The following MED27 variants were observed in gnomAD, a reference collection of about 807,000 sequenced individuals.
MED27 encodes mediator complex subunit 27, also known as mediator of RNA polymerase II transcription subunit 27.
A neutral mutation model predicts 38.2 loss-of-function variants in MED27; 30 were observed. The observed-to-expected ratio is 0.79, with a 90% CI of 0.59 to 1.07. The LOEUF is 1.07. Ranked by LOEUF, MED27 falls within the 50% of genes least tolerant of loss-of-function variation. The pLI is 0.00. For missense variants in MED27, 289 were observed against 397.5 expected, an observed-to-expected ratio of 0.73 and a Z score of 2.32; for synonymous variants, 122 against 153.5, an observed-to-expected ratio of 0.79 and a Z score of 1.52.
At chr9:131,924,989 A>C (rs768773061) in intron 4 of MED27, among the ~76,000 whole-genome samples, 2 of 152,062 alleles carry the variant, frequency 1.3e-5, no homozygotes, top group Non-Finnish European at 2.9e-5. Flanking sequence ...TTATTTATTT[A>C]GGTCTACATT....
chr9:132,020,015 G>A (rs1832685673), intron 2 of MED27, among the ~76,000 whole-genome samples: 1 of 152,184 alleles, frequency 6.6e-6, no homozygotes, highest in African/African-American at 2.4e-5. Flanking sequence ...TTGTCTTCAA[G>A]TTTTAATATT....
chr9:132,017,593 G>A (rs1001832642), intron 2 of MED27, among the ~76,000 whole-genome samples: 20 of 152,268 alleles, frequency 1.3e-4, no homozygotes, highest in African/African-American at 4.6e-4. Context: ...TTACAAGTGC[G>A]GGGAATGGGA....
At chr9:131,942,791 G>A (rs570324770) in intron 3 of MED27, among the ~76,000 whole-genome samples, 19 of 152,306 alleles carry the variant, frequency 1.2e-4, no homozygotes, top group African/African-American at 4.3e-4. Flanking sequence ...AGCTCAGTGT[G>A]TAGATTTCTA....
At chr9:132,020,239 TATA>T (rs1345044784) in intron 2 of MED27, among the ~76,000 whole-genome samples, 8 of 152,146 alleles carry the variant, frequency 5.3e-5, no homozygotes, top group African/African-American at 1.9e-4. Flanking sequence ...GTATGTTATA[TATA>T]ATGATAGCAA....
At chr9:131,988,650 G>A (rs573844139) in intron 3 of MED27, among the ~76,000 whole-genome samples, 10 of 151,378 alleles carry the variant, frequency 6.6e-5, no homozygotes, top group Middle Eastern at 6.8e-3. Context: ...TTTTTTTTGC[G>A]GGGGGATTGG....
intron 6 of MED27, chr9:131,869,050 T>A (rs899979929): frequency 1.0e-5 from 10 of 985,368 alleles, no homozygotes; most frequent in African/African-American, 1.7e-5. Flanking sequence ...AAGTCCAGTA[T>A]AAAGCATATA....
intron 4 of MED27, among the ~76,000 whole-genome samples, chr9:131,918,733 C>G (rs1830336696): frequency 6.6e-6 from 1 of 152,106 alleles, no homozygotes. Flanking sequence ...ATCTCTCCCA[C>G]TGTGCTTTAA....
chr9:131,904,297 C>T (rs543783823), intron 4 of MED27, among the ~76,000 whole-genome samples: 34 of 152,294 alleles, frequency 2.2e-4, no homozygotes, highest in South Asian at 2.1e-4. Flanking sequence ...CCTCAGCCTT[C>T]CAAAGTGCTG....
intron 1 of MED27, among the ~76,000 whole-genome samples, chr9:132,079,390 G>A (rs1050777534): frequency 6.6e-6 from 1 of 152,210 alleles, no homozygotes; most frequent in East Asian, 1.9e-4. Flanking sequence ...TGTTAGGAAT[G>A]GAACCGCCAC....
At chr9:132,056,648 A>T (rs1329895809) in intron 2 of MED27, among the ~76,000 whole-genome samples, 1 of 152,212 alleles carries the variant, frequency 6.6e-6, no homozygotes, top group East Asian at 1.9e-4. Flanking sequence ...TTCAACCTGT[A>T]TGAGCTCTTT....
In MED27 at chr9:131,961,236, C is replaced by T. The variant is rs542591225; in HGVS notation, c.480-21762G>A. ...CCATCACATGCCCGTAAAAATGGCC[C>T]GCACGTGGCATATGTCGCAGCAGGC... On this transcript the variant is annotated intron_variant, in intron 3 of 7. Coordinates refer to ENST00000292035, the MANE Select transcript of MED27 (RefSeq NM_004269.4). Among the ~76,000 whole-genome samples the T allele has an allele frequency of 4.6e-5, 7 of 152,302 alleles. 1 individual carries two copies. The East Asian group carries it at 5.8e-4, about 13-fold the overall frequency.
Position 131,895,039 on chromosome 9 carries a change from C to G in MED27, c.574-1047G>C, listed in dbSNP as rs576808099. ...GCGATGTTTGTGATGCGGTGCAACA[C>G]AAAAGCCCTCGCCAGACGGTGAAGC... is the stretch of plus-strand genomic sequence containing the variant. On this transcript the variant is annotated intron_variant, in intron 4 of 7. Transcript: ENST00000292035. Among the ~76,000 whole-genome samples the G allele has an allele frequency of 3.9e-4, 59 of 152,278 alleles. 2 individuals are homozygous for G. The South Asian group carries it at 6.4e-3, about 17-fold the overall frequency.
intron 3 of MED27, among the ~76,000 whole-genome samples, chr9:131,995,150 A>G (rs1832063225): frequency 6.6e-6 from 1 of 152,162 alleles, no homozygotes; most frequent in Non-Finnish European, 1.5e-5. Context: ...AGTCAGGACA[A>G]GAAAGTATGA....
chr9:131,895,511 C>T (rs1829816290), intron 4 of MED27, among the ~76,000 whole-genome samples: 3 of 152,162 alleles, frequency 2.0e-5, no homozygotes, highest in African/African-American at 7.2e-5. Context: ...TTCCTCTTTC[C>T]TTGATTAGTC....
intron 3 of MED27, among the ~76,000 whole-genome samples, chr9:131,981,904 A>C (rs1349317978): frequency 6.6e-6 from 1 of 152,206 alleles, no homozygotes; most frequent in Non-Finnish European, 1.5e-5. Flanking sequence ...ACAGGGTAAG[A>C]AAAGGGACTC....
At chr9:131,879,454 C>T (rs1011045678) in intron 6 of MED27, among the ~76,000 whole-genome samples, 4 of 152,198 alleles carry the variant, frequency 2.6e-5, no homozygotes, top group East Asian at 1.9e-4. Context: ...GGGAGCTCTG[C>T]GGTTCTACCT....
At chr9:131,863,423 G>A (rs566901441) in intron 6 of MED27, among the ~76,000 whole-genome samples, 1 of 152,332 alleles carries the variant, frequency 6.6e-6, no homozygotes, top group South Asian at 2.1e-4. Flanking sequence ...CTGGCAGAGG[G>A]AGCGGCCAGA....
At chr9:131,922,043 G>T (rs1830401563) in intron 4 of MED27, among the ~76,000 whole-genome samples, 1 of 130,168 alleles carries the variant, frequency 7.7e-6, no homozygotes, top group South Asian at 2.9e-4. Flanking sequence ...GGAGGGGGAG[G>T]GATAGCATTA....
chr9:131,944,289 T>A (rs1830841043), intron 3 of MED27, among the ~76,000 whole-genome samples: 1 of 152,212 alleles, frequency 6.6e-6, no homozygotes, highest in Admixed American at 6.5e-5. Context: ...TTGAACAGCA[T>A]CTCCAACAGG....
Sources: allele counts gnomAD v4.1 joint callset (sites outside exome capture counted in the v4.1 genomes callset), GRCh38; gene constraint gnomAD v4.1.1; transcripts MANE v1.5; gene names NCBI Gene and HGNC (gene_info 2026-07-23, HGNC 2026-07-21).